Variants in NSRP1 observed in about 807,000 individuals in gnomAD.
The protein encoded by NSRP1 is coiled-coil domain containing 55.
Under a neutral mutation model 54.7 loss-of-function variants are expected in NSRP1, and 24 were observed. The ratio of observed to expected loss-of-function variants is 0.44; its 90% CI spans 0.32 to 0.62. NSRP1 has a LOEUF of 0.62. Among genes scored for constraint, NSRP1 ranks in the 20% least tolerant of loss-of-function variants. The pLI, the probability that NSRP1 is intolerant of heterozygous loss-of-function variation, is 0.06. For missense variants in NSRP1, 596 were observed against 651.2 expected, an observed-to-expected ratio of 0.92 and a Z score of 0.92; for synonymous variants, 210 against 213.8, an observed-to-expected ratio of 0.98 and a Z score of 0.15.
At chr17:30,135,880 T>C (rs1425971499) in intron 2 of NSRP1, among the ~76,000 whole-genome samples, 1 of 152,148 alleles carries the variant, frequency 6.6e-6, no homozygotes. Context: ...AACTGCTTAT[T>C]TTATTTTATT....
At position 30,146,048 on chromosome 17, in the gene NSRP1, C is replaced by T. The variant is rs1243274567; in HGVS notation, c.115-26494C>T. ...TATTTTTGTAAAGTTGGAGTTCTGCCGTGTTACTGATGCTGATCTCGAACT... is the reference window on the plus strand; with the variant it reads ...TATTTTTGTAAAGTTGGAGTTCTGCTGTGTTACTGATGCTGATCTCGAACT... On this transcript the variant is annotated intron_variant, in intron 2 of 6. Transcript: ENST00000247026. Among the ~76,000 whole-genome samples the T allele has an allele frequency of 2.6e-5, 4 of 152,082 alleles. No homozygotes were observed. In the East Asian group the frequency reaches 5.8e-4, roughly 22 times the overall value.
chr17:30,181,582 G>GT (rs1486032031), intron 6 of NSRP1, among the ~76,000 whole-genome samples: 2 of 134,814 alleles, frequency 1.5e-5, no homozygotes, highest in East Asian at 4.4e-4. Flanking sequence ...TTTTGTTGTT[G>GT]TTGTTGTGTG....
chr17:30,128,580 C>T (rs2071671824), intron 2 of NSRP1, among the ~76,000 whole-genome samples: 1 of 152,046 alleles, frequency 6.6e-6, no homozygotes, highest in African/African-American at 2.4e-5. Context: ...ATTGTTTACC[C>T]AATATTATCA....
rs79247992 is a variant in NSRP1 at position 30,181,438 on chromosome 17, G to A, written c.617+422G>A. On this transcript the variant is annotated intron_variant, in intron 6 of 6. Coordinates refer to ENST00000247026, the MANE Select transcript of NSRP1 (RefSeq NM_032141.4). The stretch of plus-strand genomic sequence containing the variant: ...TTTTGAGGCAGAGTCTCACTCTGTC[G>A]CCTAGGGTGGATGGAGTACAGTGGT... 8.7e-4 allele frequency among the ~76,000 whole-genome samples: 118 copies of A among 136,134 alleles called. 1 individual carries two copies. Among genetic ancestry groups the A allele is most frequent in the African/African-American group, 3.1e-3 (112 of 36,324 alleles). The allele number at this position is 136,134 out of a possible 152,430, so 89.3% of individuals were successfully genotyped here. A position where few individuals can be genotyped will look rare whatever the true frequency, so the allele number is the denominator to read the frequency against.
At chr17:30,121,180 T>G (rs2071593189) in intron 2 of NSRP1, among the ~76,000 whole-genome samples, 1 of 152,206 alleles carries the variant, frequency 6.6e-6, no homozygotes, top group South Asian at 2.1e-4. Context: ...AATTTCAACT[T>G]TATATTTTCA....
chr17:30,139,395 CA>C (rs775498852), intron 2 of NSRP1, among the ~76,000 whole-genome samples: 1 of 152,104 alleles, frequency 6.6e-6, no homozygotes, highest in African/African-American at 2.4e-5. Flanking sequence ...TCCAGTTTAT[CA>C]ATTTTTTTGT....
At chr17:30,164,921 T>C (rs1204431887) in intron 2 of NSRP1, among the ~76,000 whole-genome samples, 1 of 152,236 alleles carries the variant, frequency 6.6e-6, no homozygotes, top group East Asian at 1.9e-4. Flanking sequence ...TCAATGACTT[T>C]ATTGTGTGGT....
intron 3 of NSRP1, among the ~76,000 whole-genome samples, chr17:30,174,075 C>G (rs1905046216): frequency 6.6e-6 from 1 of 152,152 alleles, no homozygotes; most frequent in African/African-American, 2.4e-5. Context: ...AAATGGGAGA[C>G]TTAGTTCTGG....
At chr17:30,122,441 T>C (rs2151874369) in intron 2 of NSRP1, 1 of 119,176 alleles carries the variant, frequency 8.4e-6, no homozygotes, top group South Asian at 3.2e-4. Context: ...AGTTTTACTC[T>C]TCACCCAGGC....
At chr17:30,152,712 G>A (rs2071923597) in intron 2 of NSRP1, among the ~76,000 whole-genome samples, 1 of 151,108 alleles carries the variant, frequency 6.6e-6, no homozygotes, top group Non-Finnish European at 1.5e-5. Flanking sequence ...TTATTTACTT[G>A]GAAGATACAT....
chr17:30,167,442 C>G (rs1224375043), intron 2 of NSRP1, among the ~76,000 whole-genome samples: 1 of 152,052 alleles, frequency 6.6e-6, no homozygotes, highest in East Asian at 1.9e-4. Flanking sequence ...AACCTTGTCT[C>G]TACTAAAAAT....
chr17:30,161,262 G>A (rs1904505162), intron 2 of NSRP1, among the ~76,000 whole-genome samples: 1 of 152,102 alleles, frequency 6.6e-6, no homozygotes, highest in South Asian at 2.1e-4. Flanking sequence ...TGGAATGGCT[G>A]GGTCGCTTAG....
chr17:30,162,582 A>C (rs1904559894), intron 2 of NSRP1, among the ~76,000 whole-genome samples: 1 of 152,210 alleles, frequency 6.6e-6, no homozygotes, highest in Admixed American at 6.5e-5. Flanking sequence ...CATTTGAAAG[A>C]AGGATTGGTT....
chr17:30,180,037 A>G (rs1460879575), intron 5 of NSRP1, among the ~76,000 whole-genome samples: 2 of 152,044 alleles, frequency 1.3e-5, no homozygotes, highest in Non-Finnish European at 2.9e-5. Context: ...GGGTCTCACT[A>G]TGTTGCCGGG....
chr17:30,165,660 T>C (rs1904704585), intron 2 of NSRP1, among the ~76,000 whole-genome samples: 1 of 152,170 alleles, frequency 6.6e-6, no homozygotes, highest in Non-Finnish European at 1.5e-5. Flanking sequence ...TGTATTTTTG[T>C]TTATGAATTA....
chr17:30,122,072 T>G (rs533426185), intron 2 of NSRP1, among the ~76,000 whole-genome samples: 1 of 152,254 alleles, frequency 6.6e-6, no homozygotes, highest in African/African-American at 2.4e-5. Flanking sequence ...GGCTTTCTTT[T>G]GTGTCTGACT....
intron 5 of NSRP1, among the ~76,000 whole-genome samples, chr17:30,179,994 G>A (rs564117623): frequency 2.0e-5 from 3 of 151,626 alleles, no homozygotes; most frequent in East Asian, 1.9e-4. Flanking sequence ...ATACCACCAC[G>A]TCTGGTTACT....
intron 2 of NSRP1, among the ~76,000 whole-genome samples, chr17:30,138,680 G>GT (rs1435493252): frequency 6.6e-6 from 1 of 152,012 alleles, no homozygotes; most frequent in African/African-American, 2.4e-5. Flanking sequence ...TGTATACTTT[G>GT]GGGGGTGGAG....
At chr17:30,151,735 T>A (rs184194169) in intron 2 of NSRP1, among the ~76,000 whole-genome samples, 11 of 150,954 alleles carry the variant, frequency 7.3e-5, no homozygotes, top group African/African-American at 2.7e-4. Context: ...TGTTCAAGAG[T>A]CAGCTGTATT....
Sources: gnomAD v4.1 joint callset for allele counts (sites outside exome capture counted in the v4.1 genomes callset) on GRCh38, gnomAD v4.1.1 for gene constraint, MANE v1.5 for transcripts, NCBI Gene and HGNC (gene_info 2026-07-23, HGNC 2026-07-21) for gene names.